The following SYNJ2 variants were observed in gnomAD, a reference collection of about 807,000 sequenced individuals.
The protein encoded by SYNJ2 is polyphosphatidylinositol phosphatase SYNJ2.
Under a neutral mutation model 141.3 loss-of-function variants are expected in SYNJ2, and 116 were observed. The ratio of observed to expected loss-of-function variants is 0.82; its 90% CI spans 0.71 to 0.96. SYNJ2 has a LOEUF of 0.96. Ranked by LOEUF, SYNJ2 falls within the 40% of genes least tolerant of loss-of-function variation. The pLI is 0.00. For missense variants in SYNJ2, 1,873 were observed against 1,934.8 expected (o/e 0.97, Z 0.60); for synonymous variants, 745 against 777.7 (o/e 0.96, Z 0.70).
chr6:158,090,058 T>C, intron 25 of SYNJ2, 111 bp downstream of exon 25: 1 of 705,978 alleles, frequency 1.4e-6, no homozygotes, highest in Non-Finnish European at 2.5e-6. Context: ...CTGGAGGCAA[T>C]ATTAAATGAA....
intron 1 of SYNJ2, among the ~76,000 whole-genome samples, chr6:157,989,909 G>GGC (rs368834110): frequency 2.2e-5 from 2 of 89,816 alleles, no homozygotes; most frequent in Non-Finnish European, 4.9e-5. Flanking sequence ...GGGCTTTTCT[G>GGC]GGGGGGGCTA....
intron 5 of SYNJ2, among the ~76,000 whole-genome samples, chr6:158,052,087 G>GT (rs571098089): frequency 2.4e-4 from 36 of 152,318 alleles, no homozygotes; most frequent in African/African-American, 8.7e-4. Context: ...TGGGGCAGTT[G>GT]TATCACCTGC....
chr6:158,076,568 A>G, intron 16 of SYNJ2, 58 bp from the exon 17 acceptor site: 1 of 1,557,714 alleles, frequency 6.4e-7, no homozygotes, highest in Admixed American at 2.0e-5. Context: ...TCGTTTTTGT[A>G]TATAACATTC....
At chr6:158,085,698 G>A (rs540986433) in intron 22 of SYNJ2, among the ~76,000 whole-genome samples, 2 of 152,328 alleles carry the variant, frequency 1.3e-5, no homozygotes, top group Admixed American at 1.3e-4. Context: ...ATGGATTTTT[G>A]AGCCCTACCA....
intron 1 of SYNJ2, among the ~76,000 whole-genome samples, chr6:157,992,401 C>CTTTTTTTTTTTTTTTT (rs57905567): frequency 9.1e-5 from 11 of 120,398 alleles, no homozygotes; most frequent in Non-Finnish European, 1.3e-4. Context: ...TGGCTTGTTT[C>CTTTTTTTTTTTTTTTT]TTTTTTTTTT....
intron 6 of SYNJ2, among the ~76,000 whole-genome samples, chr6:158,055,759 C>G (rs1326356612): frequency 6.6e-6 from 1 of 152,116 alleles, no homozygotes; most frequent in African/African-American, 2.4e-5. Flanking sequence ...TTTATTGAGA[C>G]TTTAAGTTTG....
intron 1 of SYNJ2, among the ~76,000 whole-genome samples, chr6:158,000,064 CTTTTTTTTTTTTTTT>C (rs58284240): frequency 7.8e-4 from 67 of 85,586 alleles, no homozygotes; most frequent in African/African-American, 1.3e-3. Context: ...AGCCAAAAGG[CTTTTTTTTTTTTTTT>C]TTTTTTTTTT....
intron 1 of SYNJ2, among the ~76,000 whole-genome samples, chr6:157,987,594 G>T (rs1444022591): frequency 1.3e-5 from 2 of 151,012 alleles, no homozygotes; most frequent in East Asian, 4.0e-4. Context: ...TAGAGATGGG[G>T]TTTCGCCGTG....
At chr6:157,998,688 C>G (rs1296699005) in intron 1 of SYNJ2, among the ~76,000 whole-genome samples, 1 of 152,112 alleles carries the variant, frequency 6.6e-6, no homozygotes, top group African/African-American at 2.4e-5. Context: ...CACAGTGTTA[C>G]GGCATGGAAA....
intron 1 of SYNJ2, among the ~76,000 whole-genome samples, chr6:157,990,344 C>T (rs1777375530): frequency 6.6e-6 from 1 of 152,186 alleles, no homozygotes; most frequent in South Asian, 2.1e-4. Context: ...TTCTCCTTCT[C>T]CTTGGCGTGC....
At chr6:158,055,328 A>G (rs1398939280) in intron 6 of SYNJ2, among the ~76,000 whole-genome samples, 1 of 152,216 alleles carries the variant, frequency 6.6e-6, no homozygotes, top group African/African-American at 2.4e-5. Flanking sequence ...GGGATCATCT[A>G]AATTATAGGG....
chr6:158,044,108 G>A (rs1247180375), intron 5 of SYNJ2, among the ~76,000 whole-genome samples: 2 of 152,230 alleles, frequency 1.3e-5, no homozygotes, highest in Non-Finnish European at 2.9e-5. Flanking sequence ...GAGGGGACGT[G>A]GGTGCCTTCA....
chr6:158,013,708 C>G (rs181633281), intron 1 of SYNJ2, among the ~76,000 whole-genome samples: 116 of 152,302 alleles, frequency 7.6e-4, no homozygotes, highest in Non-Finnish European at 1.4e-3. Flanking sequence ...ACCCGATGAG[C>G]CTTTTCCCAG....
chr6:157,994,352 C>T (rs1424490713), intron 1 of SYNJ2, among the ~76,000 whole-genome samples: 1 of 152,170 alleles, frequency 6.6e-6, no homozygotes, highest in Non-Finnish European at 1.5e-5. Context: ...AGTGACAGTC[C>T]ACGTGCTCCA....
At chr6:158,046,922 C>T (rs1240952275) in intron 5 of SYNJ2, among the ~76,000 whole-genome samples, 1 of 151,926 alleles carries the variant, frequency 6.6e-6, no homozygotes, top group East Asian at 1.9e-4. Flanking sequence ...AGACACGTGC[C>T]TTGCCAAGGT....
At chr6:157,989,908 T>TTGG (rs1554228296) in intron 1 of SYNJ2, among the ~76,000 whole-genome samples, 1 of 151,600 alleles carries the variant, frequency 6.6e-6, no homozygotes, top group South Asian at 2.1e-4. Flanking sequence ...TGGGCTTTTC[T>TTGG]GGGGGGGGCT....
At chr6:158,041,474 A>G (rs1750043) in intron 4 of SYNJ2, among the ~76,000 whole-genome samples, 75,404 of 152,090 alleles carry the variant, frequency 0.5, 19,147 homozygotes, top group African/African-American at 0.59. Context: ...GATGTCACCT[A>G]CTTCCCCTGT....
intron 12 of SYNJ2, among the ~76,000 whole-genome samples, chr6:158,068,435 C>T (rs574542366): frequency 3.3e-5 from 5 of 152,238 alleles, no homozygotes; most frequent in South Asian, 2.1e-4. Context: ...ACAGAATGGA[C>T]GGAGGGCCCC....
In SYNJ2 at chr6:158,099,138, G is replaced by GT. The variant is rs1294325591; in HGVS notation, c.*2775dup. On this transcript the variant is annotated 3_prime_UTR_variant, in exon 27 of 27. Coordinates refer to ENST00000355585, the MANE Select transcript of SYNJ2 (RefSeq NM_003898.4). ...TGAAGTGAAAATTTGTACTGAAATT[G>GT]TACATGATACCTATTAAATGTTTTT... 6 of 152,154 alleles carry GT rather than the reference G, an allele frequency of 3.9e-5. No homozygotes were observed. The highest frequency in any genetic ancestry group is 1.3e-4 in the Admixed American group (2 of 15,278). The allele number at this position is 152,154 out of a possible 1,614,324, so 9.4% of individuals were successfully genotyped here. A position where few individuals can be genotyped will look rare whatever the true frequency, so the allele number is the denominator to read the frequency against.
Sources: gnomAD v4.1 joint callset for allele counts (sites outside exome capture counted in the v4.1 genomes callset) on GRCh38, gnomAD v4.1.1 for gene constraint, MANE v1.5 for transcripts, NCBI Gene and HGNC (gene_info 2026-07-23, HGNC 2026-07-21) for gene names.